Variants in ACTR6 observed in about 807,000 individuals in gnomAD.
ACTR6 encodes the protein actin-related protein 6.
A neutral mutation model predicts 52.5 loss-of-function variants in ACTR6; 50 were observed. That is an observed-to-expected ratio of 0.95 (90% CI 0.76 to 1.20). The LOEUF is 1.20. ACTR6 is among the 50% of genes most tolerant of loss of function. The probability of loss-of-function intolerance (pLI) is 0.00; values close to 1 mark genes in which losing one functional copy is unlikely to be tolerated. For missense variants in ACTR6, 344 were observed against 472.4 expected, an observed-to-expected ratio of 0.73 and a Z score of 2.52; for synonymous variants, 135 against 147.2, an observed-to-expected ratio of 0.92 and a Z score of 0.60.
In ACTR6 at chr12:100,223,785, G is replaced by A; in HGVS notation, c.1062-1G>A. 6.2e-7 allele frequency: 1 copy of A among 1,604,108 alleles called. No homozygotes were observed. The highest frequency in any genetic ancestry group is 8.5e-7 in the Non-Finnish European group (1 of 1,177,176). ...GGGTTCATTTATACCTTTATTTTCA[G>A]CCCTATTACTTATGCCTGGGAAGGT... On this transcript the variant is annotated splice_acceptor_variant, in intron 10 of 10. Coordinates refer to ENST00000188312, the MANE Select transcript of ACTR6 (RefSeq NM_022496.5). LOFTEE classifies it high-confidence loss of function.
chr12:100,210,713 C>G (rs374841268), intron 6 of ACTR6, among the ~76,000 whole-genome samples: 3 of 149,396 alleles, frequency 2.0e-5, no homozygotes, highest in African/African-American at 5.0e-5. Flanking sequence ...GTGAGACTCT[C>G]TCTCTCTCAA....
intron 8 of ACTR6, among the ~76,000 whole-genome samples, chr12:100,213,006 CAAAAAAAA>C (rs60253803): frequency 1.5e-5 from 1 of 66,722 alleles, no homozygotes; most frequent in Admixed American, 1.8e-4. Context: ...GACTCTGTCT[CAAAAAAAA>C]AAAAAAAAAA....
Position 100,218,303 on chromosome 12 carries a change from CATT to C in ACTR6, c.751-107_751-105del. 1.5e-6 allele frequency: 1 copy of C among 661,238 alleles called. No homozygotes were observed. Among genetic ancestry groups the C allele is most frequent in the Non-Finnish European group, 2.1e-6 (1 of 474,356 alleles). The allele number at this position is 661,238 out of a possible 1,614,324, so 41.0% of individuals were successfully genotyped here. On this transcript the variant is annotated intron_variant, in intron 8 of 10. Coordinates refer to ENST00000188312, the MANE Select transcript of ACTR6 (RefSeq NM_022496.5). The surrounding 1 kb of genome is among the most constrained non-coding windows in gnomAD (Gnocchi z 4.2). ...TTGAGAATCCTGAAACTTCCAAGAA[CATT>C]ATTAATATATTATTAATATATTATT...
chr12:100,212,832 C>T (rs2096120907), intron 8 of ACTR6, among the ~76,000 whole-genome samples: 5 of 151,638 alleles, frequency 3.3e-5, no homozygotes, highest in East Asian at 3.9e-4. Context: ...ACTGAAACCC[C>T]GTCTCTACTA....
intron 3 of ACTR6, among the ~76,000 whole-genome samples, chr12:100,207,318 C>T (rs1452783565): frequency 6.6e-6 from 1 of 152,110 alleles, no homozygotes; most frequent in African/African-American, 2.4e-5. Context: ...AATCCTTCCA[C>T]GTCAGCCTCC....
intron 8 of ACTR6, among the ~76,000 whole-genome samples, chr12:100,216,197 C>G: frequency 6.6e-6 from 1 of 152,222 alleles, no homozygotes; most frequent in South Asian, 2.1e-4. Context: ...GTTCTATAGC[C>G]CAGGCTGGAG....
rs1002233671 is a variant in ACTR6 at position 100,218,303 on chromosome 12, C to T, written c.751-112C>T. 9.1e-6 allele frequency: 6 copies of T among 661,122 alleles called. No individual in the cohort carries two copies. Among genetic ancestry groups the T allele is most frequent in the Non-Finnish European group, 1.3e-5 (6 of 474,364 alleles). 41.0% of individuals were successfully genotyped at this position (661,122 alleles called of 1,614,324 possible). On this transcript the variant is annotated intron_variant, in intron 8 of 10. Transcript: ENST00000188312. The surrounding 1 kb of genome is among the most constrained non-coding windows in gnomAD (Gnocchi z 4.2). Reference sequence around the variant, plus strand: ...TTGAGAATCCTGAAACTTCCAAGAACATTATTAATATATTATTAATATATT... The same window carrying T: ...TTGAGAATCCTGAAACTTCCAAGAATATTATTAATATATTATTAATATATT...
At chr12:100,214,731 G>A (rs2096122678) in intron 8 of ACTR6, among the ~76,000 whole-genome samples, 1 of 152,058 alleles carries the variant, frequency 6.6e-6, no homozygotes, top group Non-Finnish European at 1.5e-5. Context: ...GCCAGATCCT[G>A]TCTCTTTAAA....
chr12:100,209,997 TC>T, intron 4 of ACTR6, 75 bp from the exon 5 acceptor site: 3 of 1,338,922 alleles, frequency 2.2e-6, no homozygotes, highest in Non-Finnish European at 3.0e-6. Flanking sequence ...TTGGTGCTTG[TC>T]TTTGTTTCCT....
chr12:100,201,020 C>A, intron 1 of ACTR6, 101 bp downstream of exon 1: 2 of 1,591,592 alleles, frequency 1.3e-6, no homozygotes, highest in Non-Finnish European at 1.7e-6. Flanking sequence ...CACCCCCGCG[C>A]GGCCCTGACT....
At chr12:100,202,763 G>A (rs1031364632) in intron 1 of ACTR6, among the ~76,000 whole-genome samples, 2 of 151,998 alleles carry the variant, frequency 1.3e-5, no homozygotes, top group Non-Finnish European at 2.9e-5. Flanking sequence ...AGGCTGAGGC[G>A]GGAGAATGGC....
chr12:100,201,931 A>ATT (rs572978105), intron 1 of ACTR6, among the ~76,000 whole-genome samples: 25 of 140,762 alleles, frequency 1.8e-4, no homozygotes, highest in Non-Finnish European at 1.4e-4. Context: ...TGACAAAGCA[A>ATT]TTTTTTTTTT....
intron 4 of ACTR6, 102 bp downstream of exon 4, chr12:100,207,888 C>A: frequency 7.8e-7 from 1 of 1,287,800 alleles, no homozygotes. Flanking sequence ...TTGGCTAGCA[C>A]AGTGGCTAAC....
intron 8 of ACTR6, among the ~76,000 whole-genome samples, chr12:100,217,795 A>G (rs1202783004): frequency 6.6e-6 from 1 of 152,192 alleles, no homozygotes. Flanking sequence ...CCAGAAGGGA[A>G]AGGGGGAATC....
chr12:100,217,440 T>A lies in ACTR6; in HGVS notation c.751-975T>A, dbSNP rs193132501. Reference sequence around the variant, plus strand: ...TCCTTTTATGGGAGGACAACTGCATTTATAAGTCAAATGAAATGAATGTCT... The same window carrying A: ...TCCTTTTATGGGAGGACAACTGCATATATAAGTCAAATGAAATGAATGTCT... On this transcript the variant is annotated intron_variant, in intron 8 of 10. Coordinates refer to ENST00000188312, the MANE Select transcript of ACTR6 (RefSeq NM_022496.5). Among the ~76,000 whole-genome samples, 84 of 152,302 alleles carry A rather than the reference T, an allele frequency of 5.5e-4. 1 individual carries two copies. The highest frequency in any genetic ancestry group is 2.0e-3 in the African/African-American group (83 of 41,570).
chr12:100,217,244 ACT>A (rs1646616325), intron 8 of ACTR6, among the ~76,000 whole-genome samples: 1 of 152,216 alleles, frequency 6.6e-6, no homozygotes, highest in African/African-American at 2.4e-5. Context: ...TGTGCCAGGT[ACT>A]TTTTTATGAT....
intron 1 of ACTR6, 119 bp downstream of exon 1, chr12:100,201,038 A>G (rs1233114483): frequency 9.6e-6 from 15 of 1,564,886 alleles, no homozygotes; most frequent in Non-Finnish European, 7.8e-6. Flanking sequence ...ACTTAGCCAG[A>G]GGGATTCCCT....
chr12:100,210,039 A>G (rs1211530710), intron 4 of ACTR6, 34 bp from the exon 5 acceptor site: 4 of 1,545,086 alleles, frequency 2.6e-6, no homozygotes, highest in East Asian at 2.3e-5. Flanking sequence ...TTAGTGTTAT[A>G]TTTTTGTTCA....
chr12:100,208,595 G>A (rs1356456087), intron 4 of ACTR6, among the ~76,000 whole-genome samples: 1 of 151,988 alleles, frequency 6.6e-6, no homozygotes, highest in African/African-American at 2.4e-5. Context: ...AAACTAAATG[G>A]ACCCTTAGAG....
Sources: allele counts gnomAD v4.1 joint callset (sites outside exome capture counted in the v4.1 genomes callset), GRCh38; gene constraint gnomAD v4.1.1; non-coding constraint Gnocchi (gnomAD v3.1); transcripts MANE v1.5; gene names NCBI Gene and HGNC (gene_info 2026-07-23, HGNC 2026-07-21).